Variants in XRCC4 observed in about 807,000 individuals in gnomAD.
XRCC4 encodes DNA repair protein XRCC4.
In XRCC4, 28 loss-of-function variants were observed where a neutral mutation model predicts 39.1. The observed-to-expected ratio is 0.72, with a 90% CI of 0.53 to 0.98. XRCC4 has a LOEUF of 0.98. Among genes scored for constraint, XRCC4 ranks in the 50% least tolerant of loss-of-function variants. XRCC4 has a pLI of 0.00. For synonymous variants in XRCC4, 123 were observed against 126.4 expected (o/e 0.97, Z 0.18); for missense variants, 350 against 376.4 (o/e 0.93, Z 0.58).
At chr5:83,295,737 A>G (rs1356240971) in intron 7 of XRCC4, among the ~76,000 whole-genome samples, 1 of 144,276 alleles carries the variant, frequency 6.9e-6, no homozygotes, top group Non-Finnish European at 1.5e-5. Flanking sequence ...CACACGCACA[A>G]ACATGCACAT....
intron 7 of XRCC4, among the ~76,000 whole-genome samples, chr5:83,308,119 CA>C (rs1328787877): frequency 6.6e-6 from 1 of 152,090 alleles, no homozygotes; most frequent in African/African-American, 2.4e-5. Context: ...ATTCCCAGGG[CA>C]GTTCAACTTT....
At chr5:83,268,883 A>G (rs1754043958) in intron 7 of XRCC4, among the ~76,000 whole-genome samples, 1 of 152,214 alleles carries the variant, frequency 6.6e-6, no homozygotes, top group Non-Finnish European at 1.5e-5. Context: ...GTAATGAGAT[A>G]TTAATACAAA....
At chr5:83,175,363 A>G (rs1749904560) in intron 3 of XRCC4, among the ~76,000 whole-genome samples, 1 of 152,178 alleles carries the variant, frequency 6.6e-6, no homozygotes, top group South Asian at 2.1e-4. Context: ...AAAGACCTTT[A>G]CATCCCATAA....
intron 7 of XRCC4, among the ~76,000 whole-genome samples, chr5:83,341,030 GAAGGTAATACAGCCTATTCCAGA>G (rs1341338380): frequency 6.6e-6 from 1 of 152,124 alleles, no homozygotes; most frequent in Non-Finnish European, 1.5e-5. Context: ...TCTCAGCGAA[GAAGGTAATACAGCCTATTCCAGA>G]AGACACTAGT....
chr5:83,192,332 G>A (rs961055226), intron 3 of XRCC4, among the ~76,000 whole-genome samples: 30 of 84,654 alleles, frequency 3.5e-4, no homozygotes, highest in Middle Eastern at 6.0e-3. Flanking sequence ...TTTTTGAGAC[G>A]GAGTCTTGCT....
At chr5:83,113,195 T>C (rs1448999553) in intron 3 of XRCC4, among the ~76,000 whole-genome samples, 1 of 152,214 alleles carries the variant, frequency 6.6e-6, no homozygotes, top group Non-Finnish European at 1.5e-5. Flanking sequence ...ACAAAGAGGC[T>C]ACAGGCGCCA....
intron 6 of XRCC4, among the ~76,000 whole-genome samples, chr5:83,239,977 G>C (rs929543590): frequency 6.6e-6 from 1 of 151,846 alleles, no homozygotes; most frequent in East Asian, 1.9e-4. Context: ...GGACAACATA[G>C]TGAGACCCTG....
intron 1 of XRCC4, among the ~76,000 whole-genome samples, chr5:83,092,707 T>C (rs919238064): frequency 6.6e-6 from 1 of 152,064 alleles, no homozygotes; most frequent in African/African-American, 2.4e-5. Flanking sequence ...CAGGTTAAAA[T>C]AGACAGAAGT....
intron 3 of XRCC4, among the ~76,000 whole-genome samples, chr5:83,185,723 T>G (rs1406510315): frequency 6.6e-6 from 1 of 152,052 alleles, no homozygotes; most frequent in East Asian, 1.9e-4. Context: ...CTCAAAAGCA[T>G]ACTTAAATAT....
At chr5:83,082,627 A>G (rs1269821564) in intron 1 of XRCC4, among the ~76,000 whole-genome samples, 1 of 152,212 alleles carries the variant, frequency 6.6e-6, no homozygotes, top group African/African-American at 2.4e-5. Context: ...AATAGTCTAC[A>G]TCAGTCTTGT....
At chr5:83,137,870 A>T (rs1478672530) in intron 3 of XRCC4, among the ~76,000 whole-genome samples, 1 of 152,166 alleles carries the variant, frequency 6.6e-6, no homozygotes, top group African/African-American at 2.4e-5. Context: ...GGAAGTGGTC[A>T]TGTTTAGCTG....
intron 3 of XRCC4, among the ~76,000 whole-genome samples, chr5:83,160,070 C>T (rs570833144): frequency 1.3e-5 from 2 of 152,082 alleles, no homozygotes; most frequent in South Asian, 2.1e-4. Context: ...TTCAATATGC[C>T]GTGAGTTTAA....
intron 3 of XRCC4, among the ~76,000 whole-genome samples, chr5:83,174,132 C>T (rs1749848634): frequency 6.6e-6 from 1 of 152,148 alleles, no homozygotes; most frequent in Non-Finnish European, 1.5e-5. Context: ...TCATCTTCAA[C>T]TTATAGCCAA....
At chr5:83,237,025 C>G (rs1580407547) in intron 6 of XRCC4, among the ~76,000 whole-genome samples, 1 of 151,800 alleles carries the variant, frequency 6.6e-6, no homozygotes. Flanking sequence ...ATCATCTCAC[C>G]CCAGTTAAAA....
chr5:83,315,049 G>A (rs1442839235), intron 7 of XRCC4, among the ~76,000 whole-genome samples: 1 of 152,276 alleles, frequency 6.6e-6, no homozygotes, highest in East Asian at 1.9e-4. Context: ...CAACCAAGTT[G>A]TGAATGCAAA....
At chr5:83,117,567 C>T (rs1318829235) in intron 3 of XRCC4, among the ~76,000 whole-genome samples, 1 of 150,634 alleles carries the variant, frequency 6.6e-6, no homozygotes, top group African/African-American at 2.4e-5. Context: ...TTCATCTGTG[C>T]AATTTTTAAG....
At chr5:83,215,261 C>T (rs1291980958) in intron 6 of XRCC4, among the ~76,000 whole-genome samples, 1 of 151,994 alleles carries the variant, frequency 6.6e-6, no homozygotes, top group Non-Finnish European at 1.5e-5. Flanking sequence ...ATTGCTTGAG[C>T]CTGGGAGGCA....
intron 3 of XRCC4, among the ~76,000 whole-genome samples, chr5:83,177,480 C>G (rs1042761713): frequency 7.0e-6 from 1 of 142,416 alleles, no homozygotes; most frequent in Non-Finnish European, 1.5e-5. Context: ...AAAAACATAT[C>G]GAGCTTGGGT....
chr5:83,344,490 A>C (rs1187020360), intron 7 of XRCC4, among the ~76,000 whole-genome samples: 1 of 139,840 alleles, frequency 7.2e-6, no homozygotes, highest in Non-Finnish European at 1.5e-5. Flanking sequence ...CATACTTCTC[A>C]TACTACTAGG....
Sources: gnomAD v4.1 joint callset for allele counts (sites outside exome capture counted in the v4.1 genomes callset) on GRCh38, gnomAD v4.1.1 for gene constraint, MANE v1.5 for transcripts, NCBI Gene and HGNC (gene_info 2026-07-23, HGNC 2026-07-21) for gene names.